The following FNBP1 variants were observed in gnomAD, a reference collection of about 807,000 sequenced individuals.
FNBP1 encodes the protein formin binding protein 1.
In FNBP1, 26 loss-of-function variants were observed where a neutral mutation model predicts 90.6. The observed-to-expected ratio is 0.29, with a 90% CI of 0.21 to 0.40. The LOEUF (loss-of-function observed/expected upper bound fraction) is 0.40, where lower values mean the gene tolerates loss of function less well. Among genes scored for constraint, FNBP1 ranks in the 10% least tolerant of loss-of-function variants. The pLI, the probability that FNBP1 is intolerant of heterozygous loss-of-function variation, is 1.00. For synonymous variants in FNBP1, 260 were observed against 265.2 expected, an observed-to-expected ratio of 0.98 and a Z score of 0.19; for missense variants, 635 against 768.0, an observed-to-expected ratio of 0.83 and a Z score of 2.05.
At chr9:130,047,938 T>C (rs1469688094), upstream of FNBP1, among the ~76,000 whole-genome samples, 1 of 152,146 alleles carries the variant, frequency 6.6e-6, no homozygotes, top group Non-Finnish European at 1.5e-5. Context: ...AATTGTTAAA[T>C]TGGGATCCCA....
chr9:129,903,240 T>G (rs1256841002), intron 12 of FNBP1, among the ~76,000 whole-genome samples: 3 of 152,068 alleles, frequency 2.0e-5, no homozygotes, highest in African/African-American at 7.2e-5. Flanking sequence ...TTAGTAGAGA[T>G]GGGGTTTTGC....
At chr9:130,030,390 G>A (rs1214786705) in intron 1 of FNBP1, among the ~76,000 whole-genome samples, 3 of 149,236 alleles carry the variant, frequency 2.0e-5, no homozygotes, top group African/African-American at 7.4e-5. Flanking sequence ...AGCCGAGATT[G>A]CACCATTGCA....
At chr9:129,914,353 T>G (rs566185908) in intron 11 of FNBP1, among the ~76,000 whole-genome samples, 2 of 152,170 alleles carry the variant, frequency 1.3e-5, no homozygotes, top group South Asian at 2.1e-4. Flanking sequence ...TTCACTTCTT[T>G]GTTGCCTTCA....
In FNBP1 at chr9:130,042,167, A is replaced by C. The variant is rs2059884539; in HGVS notation, c.24+785T>G. On this transcript the variant is annotated intron_variant, in intron 1 of 16. Transcript: ENST00000446176. This position sits in a 1 kb window ranked among gnomAD's most constrained non-coding sequence, Gnocchi z 5.5. ...CGTTTACCGTGCGCATCCCCCGGCCAAGCATCCCCGCAAGGCGCCCCTCAC... is the reference window on the plus strand; with the variant it reads ...CGTTTACCGTGCGCATCCCCCGGCCCAGCATCCCCGCAAGGCGCCCCTCAC... Among the ~76,000 whole-genome samples, 1 of 151,748 alleles carries C rather than the reference A, an allele frequency of 6.6e-6. No homozygotes were observed. Among genetic ancestry groups the C allele is most frequent in the Non-Finnish European group, 1.5e-5 (1 of 67,936 alleles).
intron 6 of FNBP1, among the ~76,000 whole-genome samples, chr9:129,945,619 T>A (rs992138911): frequency 1.5e-4 from 23 of 152,172 alleles, no homozygotes; most frequent in African/African-American, 5.1e-4. Context: ...GGTAAAAAAA[T>A]TTAACACTCT....
chr9:130,042,405 G>A lies in FNBP1; in HGVS notation c.24+547C>T, dbSNP rs113030258. Among the ~76,000 whole-genome samples, 2 of 152,154 alleles carry A rather than the reference G, an allele frequency of 1.3e-5. No homozygotes were observed. The highest frequency in any genetic ancestry group is 4.8e-5 in the African/African-American group (2 of 41,526). On this transcript the variant is annotated intron_variant, in intron 1 of 16. Coordinates refer to ENST00000446176, the MANE Select transcript of FNBP1 (RefSeq NM_015033.3). This position sits in a 1 kb window ranked among gnomAD's most constrained non-coding sequence, Gnocchi z 5.5. ...GAGCCGCCACGGGCCAGAAGTCCTC[G>A]CCTCCAGAGCGAAGACCGCACTCTC...
At chr9:129,907,941 A>G (rs1317977845) in intron 12 of FNBP1, among the ~76,000 whole-genome samples, 2 of 151,668 alleles carry the variant, frequency 1.3e-5, no homozygotes, top group Non-Finnish European at 2.9e-5. Flanking sequence ...GTTAGCCAGG[A>G]TGGTCTCGAT....
rs1311852441 is a variant in FNBP1 at position 129,908,996 on chromosome 9, C to T, written c.1189G>A (p.Ala397Thr). 7 of 1,607,056 alleles carry T rather than the reference C, an allele frequency of 4.4e-6. No individual in the cohort carries two copies. Among genetic ancestry groups the T allele is most frequent in the Non-Finnish European group, 6.0e-6 (7 of 1,174,042 alleles). The change falls in exon 12 of 17, where the codon GCA becomes ACA. Residue 397 changes from alanine to threonine, a missense_variant. Ala to Thr is a moderately conservative substitution (Grantham distance 58). Coordinates refer to ENST00000446176, the MANE Select transcript of FNBP1 (RefSeq NM_015033.3). ...LKRGLSLKLGATPEDFSNLPP... is the reference protein window; with the variant it reads ...LKRGLSLKLGTTPEDFSNLPP... ...AGGTTGCTGAAATCCTCCGGTGTTGCACCCTGCAGACACAAATATAAATGA... is the reference window on the plus strand; with the variant it reads ...AGGTTGCTGAAATCCTCCGGTGTTGTACCCTGCAGACACAAATATAAATGA...
rs1411788102 is a variant in FNBP1 at position 130,042,014 on chromosome 9, C to T, written c.24+938G>A. On this transcript the variant is annotated intron_variant, in intron 1 of 16. Coordinates refer to ENST00000446176, the MANE Select transcript of FNBP1 (RefSeq NM_015033.3). This position sits in a 1 kb window ranked among gnomAD's most constrained non-coding sequence, Gnocchi z 5.5. ...TAACTGAGATTTCGTCTGCTCCTTC[C>T]CGGGCCGCCGCACTGCCCATCCCCT... Among the ~76,000 whole-genome samples, 5 of 152,086 alleles carry T rather than the reference C, an allele frequency of 3.3e-5. No individual in the cohort carries two copies. Among genetic ancestry groups the T allele is most frequent in the Admixed American group, 1.3e-4 (2 of 15,246 alleles).
At chr9:129,892,366 G>GACACACACACACACAC (rs3138855) in intron 16 of FNBP1, among the ~76,000 whole-genome samples, 142 of 103,462 alleles carry the variant, frequency 1.4e-3, no homozygotes, top group African/African-American at 5.9e-3. Flanking sequence ...GCACATCGTA[G>GACACACACACACACAC]ACACACACAC....
chr9:130,018,073 C>A (rs975045761), intron 1 of FNBP1, among the ~76,000 whole-genome samples: 1 of 151,152 alleles, frequency 6.6e-6, no homozygotes, highest in Non-Finnish European at 1.5e-5. Flanking sequence ...GCCACCACGC[C>A]TGGCTAATTT....
chr9:130,022,200 T>C (rs1383157638), intron 1 of FNBP1, among the ~76,000 whole-genome samples: 4 of 151,692 alleles, frequency 2.6e-5, no homozygotes, highest in African/African-American at 9.7e-5. Context: ...TCATCTAACA[T>C]AAAATTAACT....
intron 13 of FNBP1, among the ~76,000 whole-genome samples, chr9:129,901,410 G>A (rs570592326): frequency 2.6e-5 from 4 of 152,036 alleles, no homozygotes; most frequent in African/African-American, 9.6e-5. Flanking sequence ...GGTGGCACAT[G>A]CCTGTAGTCC....
intron 4 of FNBP1, among the ~76,000 whole-genome samples, chr9:129,963,816 T>G (rs2048190413): frequency 6.6e-6 from 1 of 152,048 alleles, no homozygotes; most frequent in Admixed American, 6.6e-5. Flanking sequence ...GGTTTCACCA[T>G]GTTGGCCAGG....
intron 16 of FNBP1, among the ~76,000 whole-genome samples, chr9:129,893,459 A>G (rs549594435): frequency 1.3e-4 from 20 of 148,584 alleles, no homozygotes; most frequent in Non-Finnish European, 2.7e-4. Flanking sequence ...AAAAAAATAC[A>G]AAGATTAGCC....
chr9:129,905,294 G>GTGTGTGTA (rs374989661), intron 12 of FNBP1, among the ~76,000 whole-genome samples: 1 of 132,336 alleles, frequency 7.6e-6, no homozygotes, highest in East Asian at 2.3e-4. Context: ...GTGTGTGTGT[G>GTGTGTGTA]TATATATATA....
intron 1 of FNBP1, among the ~76,000 whole-genome samples, chr9:129,999,066 GAAAATTC>G (rs1165340036): frequency 6.6e-6 from 1 of 151,982 alleles, no homozygotes; most frequent in African/African-American, 2.4e-5. Context: ...GCAGCTAGAA[GAAAATTC>G]AAGACAGATG....
rs1173186709 is a variant in FNBP1 at position 129,889,796 on chromosome 9, G to A, written c.*743C>T. ...GGACACAGGCGAGTCAACAAGGCGA[G>A]CTGGAATTCGACTTCCAGTGTGGAC... On this transcript the variant is annotated 3_prime_UTR_variant, in exon 17 of 17. Transcript: ENST00000446176. The A allele has an allele frequency of 1.7e-5, 4 of 232,558 alleles. No individual in the cohort carries two copies. Among genetic ancestry groups the A allele is most frequent in the Non-Finnish European group, 2.6e-5 (3 of 117,638 alleles). 14.4% of individuals were successfully genotyped at this position (232,558 alleles called of 1,614,324 possible).
At chr9:130,032,711 G>A (rs2058910630) in intron 1 of FNBP1, among the ~76,000 whole-genome samples, 1 of 151,422 alleles carries the variant, frequency 6.6e-6, no homozygotes, top group Non-Finnish European at 1.5e-5. Context: ...CAGCTTTTTA[G>A]GTGAGGAAAT....
Sources: allele counts gnomAD v4.1 joint callset (sites outside exome capture counted in the v4.1 genomes callset), GRCh38; gene constraint gnomAD v4.1.1; non-coding constraint Gnocchi (gnomAD v3.1); transcripts MANE v1.5; gene names NCBI Gene and HGNC (gene_info 2026-07-23, HGNC 2026-07-21).